NRG3: variants seen among roughly 807,000 people sequenced by gnomAD.
The protein encoded by NRG3 is neuregulin 3.
NRG3 carries 31 observed loss-of-function variants against 66.9 expected under a neutral mutation model. The observed-to-expected ratio is 0.46, with a 90% CI of 0.35 to 0.63. NRG3 has a LOEUF of 0.63. NRG3 is among the 20% of genes least tolerant of loss of function. The pLI is 0.00. For missense variants in NRG3, 910 were observed against 878.9 expected (o/e 1.04, Z -0.45); for synonymous variants, 393 against 359.4 (o/e 1.09, Z -1.06).
intron 1 of NRG3, among the ~76,000 whole-genome samples, chr10:82,286,846 A>G (rs1358766417): frequency 6.6e-6 from 1 of 152,160 alleles, no homozygotes; most frequent in Non-Finnish European, 1.5e-5. Flanking sequence ...TCGGCCTTCC[A>G]AAGTGCTGGG....
intron 1 of NRG3, among the ~76,000 whole-genome samples, chr10:82,353,798 C>T (rs1172430026): frequency 2.0e-5 from 3 of 152,092 alleles, no homozygotes; most frequent in African/African-American, 7.2e-5. Flanking sequence ...AATCCTAACA[C>T]TCCTTTATTC....
At position 82,038,380 on chromosome 10, in the gene NRG3, C is replaced by T. The variant is rs889140803; in HGVS notation, c.823+162217C>T. 9.2e-5 allele frequency among the ~76,000 whole-genome samples: 14 copies of T among 152,218 alleles called. No individual in the cohort carries two copies. The East Asian group carries it at 2.7e-3, about 29-fold the overall frequency. ...TATCTAACCCTTTATCATAAGATGT[C>T]TCATTGACTTCTCATTGCAACCCTA... On this transcript the variant is annotated intron_variant, in intron 1 of 8. Transcript: ENST00000372141.
At chr10:82,656,314 T>TC (rs1359791722) in intron 2 of NRG3, among the ~76,000 whole-genome samples, 3 of 149,408 alleles carry the variant, frequency 2.0e-5, no homozygotes, top group Non-Finnish European at 4.5e-5. Context: ...TTTTCTTTTT[T>TC]TTTTTTTTTT....
At chr10:82,424,128 A>AT (rs748487288) in intron 2 of NRG3, among the ~76,000 whole-genome samples, 5 of 151,888 alleles carry the variant, frequency 3.3e-5, no homozygotes, top group African/African-American at 4.8e-5. Context: ...GTATGGACAT[A>AT]TTTTTTCACT....
intron 3 of NRG3, among the ~76,000 whole-genome samples, chr10:82,848,633 T>G (rs2063419854): frequency 6.6e-6 from 1 of 152,136 alleles, no homozygotes; most frequent in South Asian, 2.1e-4. Flanking sequence ...GACATGAGAT[T>G]TGGGAAGGGT....
chr10:82,825,515 CTA>C (rs2062159452), intron 3 of NRG3, among the ~76,000 whole-genome samples: 1 of 152,178 alleles, frequency 6.6e-6, no homozygotes, highest in Non-Finnish European at 1.5e-5. Flanking sequence ...GGTGGAAACT[CTA>C]AGCACAGCTG....
intron 2 of NRG3, among the ~76,000 whole-genome samples, chr10:82,485,796 CAA>C (rs57961729): frequency 2.0e-5 from 3 of 150,980 alleles, no homozygotes; most frequent in East Asian, 2.0e-4. Flanking sequence ...GCAGCAAAAG[CAA>C]AAAAAAATAG....
chr10:82,951,114 A>C (rs1332194232), intron 4 of NRG3, among the ~76,000 whole-genome samples: 1 of 152,212 alleles, frequency 6.6e-6, no homozygotes, highest in Non-Finnish European at 1.5e-5. Context: ...AAAGCTCAGA[A>C]GCACCTGAGT....
chr10:82,704,009 C>T (rs1416483452), intron 2 of NRG3, among the ~76,000 whole-genome samples: 1 of 152,086 alleles, frequency 6.6e-6, no homozygotes, highest in Non-Finnish European at 1.5e-5. Flanking sequence ...TGCTTACAAA[C>T]CTTCTACCCA....
intron 4 of NRG3, among the ~76,000 whole-genome samples, chr10:82,875,300 ATACT>A (rs1268753957): frequency 6.6e-6 from 1 of 152,202 alleles, no homozygotes; most frequent in Non-Finnish European, 1.5e-5. Context: ...GAAGTATTTA[ATACT>A]TACACAATAT....
intron 2 of NRG3, among the ~76,000 whole-genome samples, chr10:82,422,277 G>T (rs1474283789): frequency 3.3e-5 from 5 of 152,006 alleles, no homozygotes; most frequent in African/African-American, 1.2e-4. Context: ...AGAAAACAGA[G>T]AAAAGTACAT....
At chr10:82,965,806 G>T (rs1024185137) in intron 6 of NRG3, among the ~76,000 whole-genome samples, 12 of 152,152 alleles carry the variant, frequency 7.9e-5, no homozygotes, top group Non-Finnish European at 1.5e-5. Context: ...GGTCAGTCAG[G>T]CTAACTTTCC....
Position 82,835,188 on chromosome 10 carries a change from A to G in NRG3, c.1028-30223A>G, listed in dbSNP as rs1022544152. On this transcript the variant is annotated intron_variant, in intron 3 of 8. Coordinates refer to ENST00000372141, the MANE Select transcript of NRG3 (RefSeq NM_001010848.4). ...TCAGAGCAAAGTATGGTCCTGATAA[A>G]AGGTTGTGTGAAAATGTTCAGCAAA... Among the ~76,000 whole-genome samples the G allele has an allele frequency of 3.9e-5, 6 of 152,252 alleles. No individual in the cohort carries two copies. The South Asian group carries it at 8.3e-4, about 21-fold the overall frequency.
intron 1 of NRG3, among the ~76,000 whole-genome samples, chr10:82,110,729 TTATGTC>T (rs1477233728): frequency 6.6e-6 from 1 of 152,052 alleles, no homozygotes; most frequent in African/African-American, 2.4e-5. Flanking sequence ...ATGAGTAGGT[TTATGTC>T]AGATGTCTTT....
chr10:82,868,492 C>A (rs1477000631), intron 4 of NRG3, among the ~76,000 whole-genome samples: 2 of 152,030 alleles, frequency 1.3e-5, no homozygotes, highest in Non-Finnish European at 2.9e-5. Flanking sequence ...GGTTGGGGAA[C>A]AACTCAGAGT....
At chr10:82,891,419 C>CT (rs1843138835) in intron 4 of NRG3, among the ~76,000 whole-genome samples, 1 of 151,804 alleles carries the variant, frequency 6.6e-6, no homozygotes, top group African/African-American at 2.4e-5. Context: ...ATACAGATTT[C>CT]TTTATATCTT....
At chr10:82,982,235 G>A (rs776777325) in intron 8 of NRG3, among the ~76,000 whole-genome samples, 9 of 152,150 alleles carry the variant, frequency 5.9e-5, no homozygotes, top group Admixed American at 3.3e-4. Context: ...GTTTGGAGTC[G>A]CCTAGAGAAA....
intron 2 of NRG3, among the ~76,000 whole-genome samples, chr10:82,649,928 A>C (rs936692898): frequency 7.9e-5 from 12 of 152,110 alleles, no homozygotes; most frequent in Admixed American, 6.5e-4. Context: ...TAGTGACCTT[A>C]TTGTTGTAAT....
chr10:82,035,085 C>T (rs996268506), intron 1 of NRG3, among the ~76,000 whole-genome samples: 2 of 152,092 alleles, frequency 1.3e-5, no homozygotes, highest in African/African-American at 4.8e-5. Flanking sequence ...CTTTACCAAG[C>T]TGCCCTGTAG....
Sources: gnomAD v4.1 joint callset for allele counts (sites outside exome capture counted in the v4.1 genomes callset) on GRCh38, gnomAD v4.1.1 for gene constraint, MANE v1.5 for transcripts, NCBI Gene and HGNC (gene_info 2026-07-23, HGNC 2026-07-21) for gene names.